Variants in ZNF148 observed in about 807,000 individuals in gnomAD.
ZNF148 encodes the protein zinc finger protein 148, also known as Beta-Enolase Repressor Factor-1.
In ZNF148, 7 loss-of-function variants were observed where a neutral mutation model predicts 67.7. The ratio of observed to expected loss-of-function variants is 0.10; its 90% CI spans 0.06 to 0.19. The LOEUF (loss-of-function observed/expected upper bound fraction) is 0.19. Ranked by LOEUF, ZNF148 falls within the 10% of genes least tolerant of loss-of-function variation. ZNF148 has a pLI of 1.00. For synonymous variants in ZNF148, 333 were observed against 330.7 expected (o/e 1.01, Z -0.08); for missense variants, 583 against 947.1 (o/e 0.62, Z 5.05).
At position 125,341,981 on chromosome 3, in the gene ZNF148, C is replaced by A. The variant is rs529343076; in HGVS notation, c.-233-10743G>T. Among the ~76,000 whole-genome samples the A allele has an allele frequency of 6.2e-5, 7 of 113,412 alleles. No homozygotes were observed. In the South Asian group the frequency reaches 2.0e-3, roughly 33 times the overall value. 74.4% of individuals were successfully genotyped at this position (113,412 alleles called of 152,430 possible). A position where few individuals can be genotyped will look rare whatever the true frequency, so the allele number is the denominator to read the frequency against. ...ACTAACTCCAGCCTGGGTGACAGAG[C>A]CACACTCTGTTTCGGGGCGGGGGGG... On this transcript the variant is annotated intron_variant, in intron 1 of 8. Transcript: ENST00000360647.
At chr3:125,279,316 A>C in intron 5 of ZNF148, 69 bp from the exon 6 acceptor site, 1 of 1,265,670 alleles carries the variant, frequency 7.9e-7, no homozygotes, top group African/African-American at 1.5e-5. Flanking sequence ...TAGTAATTTT[A>C]AAAAAAAGAT....
At chr3:125,300,947 A>G (rs2333196) in intron 4 of ZNF148, among the ~76,000 whole-genome samples, 117,242 of 151,976 alleles carry the variant, frequency 0.77, 45,738 homozygotes, top group African/African-American at 0.85. Flanking sequence ...TGTAAAATGG[A>G]TAAGCCAAAT....
intron 7 of ZNF148, 100 bp from the exon 8 acceptor site, chr3:125,234,429 T>A (rs1935988467): frequency 5.1e-6 from 4 of 790,546 alleles, no homozygotes; most frequent in Non-Finnish European, 8.3e-6. Flanking sequence ...TTGAAAGTTG[T>A]AACTTCCAAT....
chr3:125,358,327 A>G (rs1942432683), intron 1 of ZNF148, among the ~76,000 whole-genome samples: 1 of 151,598 alleles, frequency 6.6e-6, no homozygotes, highest in African/African-American at 2.4e-5. Flanking sequence ...AAGAAAAAGA[A>G]AAAAAAAAGC....
chr3:125,368,985 G>A (rs117649715), intron 1 of ZNF148, among the ~76,000 whole-genome samples: 24 of 150,380 alleles, frequency 1.6e-4, no homozygotes, highest in East Asian at 4.0e-4. Context: ...TCTTGGGCTC[G>A]GCGCAGTGGC....
intron 7 of ZNF148, among the ~76,000 whole-genome samples, chr3:125,250,577 T>C (rs1936796510): frequency 6.6e-6 from 1 of 152,228 alleles, no homozygotes; most frequent in African/African-American, 2.4e-5. Flanking sequence ...TGTAGACCAA[T>C]AATATGCCAA....
chr3:125,297,818 T>C (rs1939363257), intron 4 of ZNF148, among the ~76,000 whole-genome samples: 1 of 152,184 alleles, frequency 6.6e-6, no homozygotes, highest in African/African-American at 2.4e-5. Context: ...TCTGTCAGTA[T>C]GTACTAAAGC....
At chr3:125,282,564 T>C (rs921003790) in intron 5 of ZNF148, among the ~76,000 whole-genome samples, 6 of 151,990 alleles carry the variant, frequency 3.9e-5, no homozygotes, top group Admixed American at 2.0e-4. Context: ...ACACACTACA[T>C]TTTTTTTCTT....
At chr3:125,293,238 T>C (rs1263593851) in intron 4 of ZNF148, among the ~76,000 whole-genome samples, 1 of 152,194 alleles carries the variant, frequency 6.6e-6, no homozygotes, top group African/African-American at 2.4e-5. Flanking sequence ...GCTGCTAATC[T>C]AGATACATCT....
rs1425209740 is a variant in ZNF148, at chr3:125,264,409, A to G, written c.667+13317T>C. Among the ~76,000 whole-genome samples the G allele has an allele frequency of 2.6e-5, 4 of 152,316 alleles. No homozygotes were observed. The South Asian group carries it at 8.3e-4, about 32-fold the overall frequency. Reference sequence around the variant, plus strand: ...ATAATAGGACAGCCGGCTGGTGTCCAAAGAGTTGGAGAAGTGTTTGTTGGT... The same window carrying G: ...ATAATAGGACAGCCGGCTGGTGTCCGAAGAGTTGGAGAAGTGTTTGTTGGT... On this transcript the variant is annotated intron_variant, in intron 7 of 8. Transcript: ENST00000360647.
At chr3:125,329,305 T>C (rs1941170205) in intron 2 of ZNF148, among the ~76,000 whole-genome samples, 1 of 147,288 alleles carries the variant, frequency 6.8e-6, no homozygotes, top group Non-Finnish European at 1.5e-5. Context: ...TGTATATTCA[T>C]ACTACAGATA....
chr3:125,286,167 G>C (rs945689606), intron 5 of ZNF148, among the ~76,000 whole-genome samples: 1 of 151,932 alleles, frequency 6.6e-6, no homozygotes, highest in Non-Finnish European at 1.5e-5. Flanking sequence ...TATATCTGAA[G>C]AACTTGATTT....
intron 1 of ZNF148, among the ~76,000 whole-genome samples, chr3:125,373,223 T>A (rs939346439): frequency 6.6e-6 from 1 of 150,394 alleles, no homozygotes; most frequent in African/African-American, 2.4e-5. Context: ...GGCGGGCGGA[T>A]CACTTGAGGC....
intron 7 of ZNF148, among the ~76,000 whole-genome samples, chr3:125,237,217 G>C (rs1936129876): frequency 6.6e-6 from 1 of 152,150 alleles, no homozygotes; most frequent in African/African-American, 2.4e-5. Flanking sequence ...GAGGAACCAA[G>C]ATGGGAAGGG....
At chr3:125,234,426 T>C (rs1428330952) in intron 7 of ZNF148, 97 bp from the exon 8 acceptor site, 24 of 829,060 alleles carry the variant, frequency 2.9e-5, no homozygotes, top group Middle Eastern at 7.0e-4. Flanking sequence ...CTTTTGAAAG[T>C]TGTAACTTCC....
At position 125,227,560 on chromosome 3, in the gene ZNF148, G is replaced by A. The variant is rs1935690980; in HGVS notation, c.*4781C>T. ...CAGCACTACACAGTATGCCCTTGAA[G>A]TAAAATGAGGTTACCTGCTTTATTT... On this transcript the variant is annotated 3_prime_UTR_variant, in exon 9 of 9. Transcript: ENST00000360647. The A allele has an allele frequency of 2.0e-5, 3 of 152,546 alleles. No homozygotes were observed. Among genetic ancestry groups the A allele is most frequent in the Non-Finnish European group, 2.9e-5 (2 of 68,012 alleles). The allele number at this position is 152,546 out of a possible 1,614,324, so 9.4% of individuals were successfully genotyped here.
intron 4 of ZNF148, among the ~76,000 whole-genome samples, chr3:125,298,343 G>GCACACACACACACA (rs1443914103): frequency 9.5e-4 from 30 of 31,460 alleles, no homozygotes; most frequent in African/African-American, 6.3e-3. Flanking sequence ...TTATAAATGT[G>GCACACACACACACA]CATACACACA....
At chr3:125,305,248 C>T (rs1939811500) in intron 4 of ZNF148, among the ~76,000 whole-genome samples, 1 of 152,086 alleles carries the variant, frequency 6.6e-6, no homozygotes, top group African/African-American at 2.4e-5. Context: ...GTACAATATT[C>T]CTGCCAAAGA....
intron 7 of ZNF148, among the ~76,000 whole-genome samples, chr3:125,265,785 T>C (rs1937519099): frequency 6.6e-6 from 1 of 152,174 alleles, no homozygotes; most frequent in Non-Finnish European, 1.5e-5. Flanking sequence ...CCATATAGAA[T>C]ACTGTGTGTC....
Sources: allele counts gnomAD v4.1 joint callset (sites outside exome capture counted in the v4.1 genomes callset), GRCh38; gene constraint gnomAD v4.1.1; transcripts MANE v1.5; gene names NCBI Gene and HGNC (gene_info 2026-07-23, HGNC 2026-07-21).